Variants in SRC observed in about 807,000 individuals in gnomAD.
SRC encodes proto-oncogene tyrosine-protein kinase Src.
A neutral mutation model predicts 62.9 loss-of-function variants in SRC; 13 were observed. The observed-to-expected ratio is 0.21, with a 90% CI of 0.13 to 0.33. SRC has a LOEUF of 0.33. Among genes scored for constraint, SRC ranks in the 10% least tolerant of loss-of-function variants. SRC has a pLI of 1.00. For synonymous variants in SRC, 302 were observed against 317.5 expected (o/e 0.95, Z 0.52); for missense variants, 457 against 737.3 (o/e 0.62, Z 4.40).
chr20:37,386,843 G>C (rs2070463609), intron 5 of SRC, among the ~76,000 whole-genome samples: 1 of 152,268 alleles, frequency 6.6e-6, no homozygotes, highest in Non-Finnish European at 1.5e-5. Context: ...GAGCCAGCAT[G>C]TGGCCAGGGA....
chr20:37,371,096 C>A (rs780092043), intron 2 of SRC, among the ~76,000 whole-genome samples: 1 of 151,378 alleles, frequency 6.6e-6, no homozygotes, highest in South Asian at 2.1e-4. Flanking sequence ...TCAAGCAATT[C>A]TCCTGCTTCA....
intron 2 of SRC, among the ~76,000 whole-genome samples, chr20:37,371,943 G>GC (rs759443954): frequency 1.1e-4 from 17 of 151,644 alleles, no homozygotes; most frequent in South Asian, 4.2e-4. Context: ...CCTCCAATCC[G>GC]CCCCCCCTTG....
rs2147131155 is a variant in SRC at position 37,403,916 on chromosome 20, G to A, written c.*537G>A. ...ACAGACCCTCTGCCGCTGCTTCCAGGCTGGGCAGCACAAGGCCTTGCCTGG... is the reference window on the plus strand; with the variant it reads ...ACAGACCCTCTGCCGCTGCTTCCAGACTGGGCAGCACAAGGCCTTGCCTGG... On this transcript the variant is annotated 3_prime_UTR_variant, in exon 14 of 14. Transcript: ENST00000373578. The surrounding 1 kb of genome is among the most constrained non-coding windows in gnomAD (Gnocchi z 7.1). The A allele has an allele frequency of 4.1e-6, 1 of 244,424 alleles. No homozygotes were observed. Among genetic ancestry groups the A allele is most frequent in the Non-Finnish European group, 8.1e-6 (1 of 123,324 alleles). 15.1% of individuals were successfully genotyped at this position (244,424 alleles called of 1,614,324 possible).
intron 2 of SRC, among the ~76,000 whole-genome samples, chr20:37,373,141 T>G (rs1395179221): frequency 3.0e-5 from 4 of 135,070 alleles, no homozygotes; most frequent in African/African-American, 1.3e-4. Flanking sequence ...TATACACATA[T>G]GTACATATAC....
intron 2 of SRC, among the ~76,000 whole-genome samples, chr20:37,381,256 G>A (rs1179190609): frequency 6.6e-6 from 1 of 152,164 alleles, no homozygotes; most frequent in Non-Finnish European, 1.5e-5. Context: ...CCCCAGTGTG[G>A]AGTGGTCTTC....
intron 2 of SRC, among the ~76,000 whole-genome samples, chr20:37,373,213 C>T (rs540825008): frequency 2.8e-4 from 41 of 146,986 alleles, no homozygotes; most frequent in African/African-American, 1.0e-3. Context: ...TATCTACACA[C>T]ATGTACATAC....
intron 3 of SRC, among the ~76,000 whole-genome samples, chr20:37,383,900 T>TC (rs986148964): frequency 1.4e-5 from 2 of 146,426 alleles, no homozygotes; most frequent in African/African-American, 5.0e-5. Context: ...CCCGGCTAAT[T>TC]TTTTTTTTTT....
rs752777827 is a variant in SRC at position 37,351,181 on chromosome 20, T to G, written c.-247+4926T>G. The stretch of plus-strand genomic sequence containing the variant: ...CTTGGGCAAGTGACTTTCCCCCAAC[T>G]TTGGTCCATTTGGTCCTTCTTCTCC... On this transcript the variant is annotated intron_variant, in intron 1 of 13. Transcript: ENST00000373578. The surrounding 1 kb of genome is among the most constrained non-coding windows in gnomAD (Gnocchi z 4.4). Among the ~76,000 whole-genome samples, 3 of 152,146 alleles carry G rather than the reference T, an allele frequency of 2.0e-5. No homozygotes were observed. The highest frequency in any genetic ancestry group is 4.4e-5 in the Non-Finnish European group (3 of 68,028).
rs1555796338 is a variant in SRC at position 37,373,113 on chromosome 20, C to CGT, written c.-173+7836_-173+7837insGT. On this transcript the variant is annotated intron_variant, in intron 2 of 13. Transcript: ENST00000373578. ...ATAAATACATATACACATATATGTA[C>CGT]ACACACATATGTACATATATACACA... Among the ~76,000 whole-genome samples, 538 of 150,854 alleles carry CGT rather than the reference C, an allele frequency of 3.6e-3. 5 individuals carry two copies. The highest frequency in any genetic ancestry group is 0.011 in the African/African-American group (460 of 41,160).
intron 1 of SRC, among the ~76,000 whole-genome samples, chr20:37,364,694 G>A (rs2070035224): frequency 1.3e-5 from 2 of 152,076 alleles, no homozygotes; most frequent in South Asian, 2.1e-4. Context: ...TCCTTGTCAC[G>A]ATACTTTCAG....
At chr20:37,388,707 A>C (rs1259071059) in intron 5 of SRC, among the ~76,000 whole-genome samples, 1 of 152,070 alleles carries the variant, frequency 6.6e-6, no homozygotes, top group Non-Finnish European at 1.5e-5. Context: ...TGATCGTGCT[A>C]CTGCACTCCA....
intron 5 of SRC, among the ~76,000 whole-genome samples, chr20:37,392,524 C>T (rs1053467553): frequency 6.6e-6 from 1 of 152,222 alleles, no homozygotes; most frequent in Non-Finnish European, 1.5e-5. Context: ...CGTGTGTCTT[C>T]TCAGGGTCCT....
chr20:37,356,637 C>G (rs935716785), intron 1 of SRC, among the ~76,000 whole-genome samples: 4 of 152,150 alleles, frequency 2.6e-5, no homozygotes, highest in African/African-American at 9.7e-5. Flanking sequence ...TGGCAGATTC[C>G]CAAGGCGCCT....
intron 1 of SRC, among the ~76,000 whole-genome samples, chr20:37,364,852 G>A (rs916013686): frequency 2.0e-5 from 3 of 152,136 alleles, no homozygotes; most frequent in Non-Finnish European, 4.4e-5. Context: ...TCCCACTCCC[G>A]GCCTCTTGCT....
In SRC at chr20:37,396,075, T is replaced by A; in HGVS notation, c.554-87T>A. 6.5e-7 allele frequency: 1 copy of A among 1,533,230 alleles called. No individual in the cohort carries two copies. Among genetic ancestry groups the A allele is most frequent in the South Asian group, 1.2e-5 (1 of 81,802 alleles). The allele number at this position is 1,533,230 out of a possible 1,614,324, so 95.0% of individuals were successfully genotyped here. Reference sequence around the variant, plus strand: ...CCGCCTGGGCCTCCCTTCCCTCCAATGTCAGGCAGGCACAGAACGGTGTCC... The same window carrying A: ...CCGCCTGGGCCTCCCTTCCCTCCAAAGTCAGGCAGGCACAGAACGGTGTCC... On this transcript the variant is annotated intron_variant, in intron 7 of 13. Coordinates refer to ENST00000373578, the MANE Select transcript of SRC (RefSeq NM_198291.3). This position sits in a 1 kb window ranked among gnomAD's most constrained non-coding sequence, Gnocchi z 6.1.
At position 37,404,527 on chromosome 20, in the gene SRC, A is replaced by G. The variant is rs987568785; in HGVS notation, c.*1148A>G. 1.3e-5 allele frequency: 3 copies of G among 233,584 alleles called. No individual in the cohort carries two copies. Among genetic ancestry groups the G allele is most frequent in the African/African-American group, 4.4e-5 (2 of 45,358 alleles). The allele number at this position is 233,584 out of a possible 1,614,324, so 14.5% of individuals were successfully genotyped here. ...ATTCCTGGCCCTGTTCTCCTCCCCA[A>G]GTCGGCACCCTTTAACTCATGAGGA... is the stretch of plus-strand genomic sequence containing the variant. On this transcript the variant is annotated 3_prime_UTR_variant, in exon 14 of 14. Coordinates refer to ENST00000373578, the MANE Select transcript of SRC (RefSeq NM_198291.3).
At chr20:37,390,654 C>G (rs1476249835) in intron 5 of SRC, among the ~76,000 whole-genome samples, 1 of 152,168 alleles carries the variant, frequency 6.6e-6, no homozygotes, top group Non-Finnish European at 1.5e-5. Flanking sequence ...ATCCATCCAC[C>G]TTGGCCTCCC....
chr20:37,379,895 CAAA>C (rs774306236), intron 2 of SRC, among the ~76,000 whole-genome samples: 3 of 41,060 alleles, frequency 7.3e-5, no homozygotes, highest in Non-Finnish European at 1.5e-4. Context: ...GACTCCATTT[CAAA>C]AAAAAAAAAA....
At position 37,402,746 on chromosome 20, in the gene SRC, C is replaced by A; in HGVS notation, c.1271-3C>A. 6.2e-7 allele frequency: 1 copy of A among 1,609,728 alleles called. No individual in the cohort carries two copies. The highest frequency in any genetic ancestry group is 8.5e-7 in the Non-Finnish European group (1 of 1,177,412). ...GCTGCCCTGACCTTTCTCGTTCCTG[C>A]AGGTGCCAAATTCCCCATCAAGTGG... is the stretch of plus-strand genomic sequence containing the variant. On this transcript the variant is annotated splice_polypyrimidine_tract_variant and splice_region_variant and intron_variant, in intron 12 of 13. Transcript: ENST00000373578. This position sits in a 1 kb window ranked among gnomAD's most constrained non-coding sequence, Gnocchi z 6.2.
Sources: gnomAD v4.1 joint callset for allele counts (sites outside exome capture counted in the v4.1 genomes callset) on GRCh38, gnomAD v4.1.1 for gene constraint, Gnocchi (gnomAD v3.1) non-coding constraint, MANE v1.5 for transcripts, NCBI Gene and HGNC (gene_info 2026-07-23, HGNC 2026-07-21) for gene names.